Variants in TBC1D32 observed in about 807,000 individuals in gnomAD.
TBC1D32 encodes the protein protein broad-minded.
TBC1D32 carries 151 observed loss-of-function variants against 170.3 expected under a neutral mutation model. The observed-to-expected ratio is 0.89, with a 90% CI of 0.78 to 1.01. The LOEUF (loss-of-function observed/expected upper bound fraction) is 1.01. TBC1D32 is among the 50% of genes least tolerant of loss of function. The pLI is 0.00. For missense variants in TBC1D32, 1,464 were observed against 1,457.1 expected, an observed-to-expected ratio of 1.00 and a Z score of -0.08; for synonymous variants, 498 against 488.0, an observed-to-expected ratio of 1.02 and a Z score of -0.27.
chr6:121,106,228 A>G (rs1250782662), intron 29 of TBC1D32, 65 bp from the exon 30 acceptor site: 19 of 1,026,190 alleles, frequency 1.9e-5, no homozygotes, highest in Non-Finnish European at 2.4e-5. Flanking sequence ...AGATCATTTA[A>G]AATAATCCAA....
At chr6:121,197,782 T>C (rs1387186573) in intron 22 of TBC1D32, among the ~76,000 whole-genome samples, 3 of 152,194 alleles carry the variant, frequency 2.0e-5, no homozygotes, top group South Asian at 2.1e-4. Flanking sequence ...TGGTTAATAC[T>C]GCATGTCAAC....
chr6:121,135,201 C>T (rs985237624), intron 24 of TBC1D32, among the ~76,000 whole-genome samples: 1 of 151,912 alleles, frequency 6.6e-6, no homozygotes, highest in Admixed American at 6.6e-5. Flanking sequence ...GAAAGCTCCT[C>T]CATAATAGAT....
In TBC1D32 at chr6:121,283,828, A is replaced by C; in HGVS notation, c.1455T>G (p.Ala485=). ...YSPSCPKMTS[A]AHSENYSPAS... is the part of the protein sequence containing the mutation. ...TAGAAACAGAATTACCTGAATGGGCAGCTGATGTCATCTTTGGACAACTTG... is the reference window on the plus strand; with the variant it reads ...TAGAAACAGAATTACCTGAATGGGCCGCTGATGTCATCTTTGGACAACTTG... The change falls in exon 13 of 32, where the codon GCT becomes GCG. Residue 485 remains alanine (A), a synonymous_variant. Transcript: ENST00000398212. 6.2e-7 allele frequency: 1 copy of C among 1,605,698 alleles called. No homozygotes were observed. Among genetic ancestry groups the C allele is most frequent in the Non-Finnish European group, 8.5e-7 (1 of 1,173,904 alleles).
chr6:121,292,302 A>G (rs1273637028), intron 11 of TBC1D32, 109 bp from the exon 12 acceptor site: 8 of 1,125,564 alleles, frequency 7.1e-6, no homozygotes, highest in Non-Finnish European at 9.9e-6. Flanking sequence ...GAATGGAGAC[A>G]TTACTGGTCA....
At position 121,287,879 on chromosome 6, in the gene TBC1D32, G is replaced by A. The variant is rs187433401; in HGVS notation, c.1373-3969C>T. Among the ~76,000 whole-genome samples, 346 of 152,296 alleles carry A rather than the reference G, an allele frequency of 2.3e-3. 1 individual carries two copies. Among genetic ancestry groups the A allele is most frequent in the African/African-American group, 8.0e-3 (334 of 41,572 alleles). On this transcript the variant is annotated intron_variant, in intron 12 of 31. Transcript: ENST00000398212. ...AAAACCGCTCATCTATATGGAAACTGAACAACCTGCTCCTGAACGACTACT... is the reference window on the plus strand; with the variant it reads ...AAAACCGCTCATCTATATGGAAACTAAACAACCTGCTCCTGAACGACTACT...
chr6:121,175,594 A>G (rs1196127946), intron 22 of TBC1D32, among the ~76,000 whole-genome samples: 1 of 152,202 alleles, frequency 6.6e-6, no homozygotes, highest in Non-Finnish European at 1.5e-5. Flanking sequence ...GAGCCATATA[A>G]TCATCGGAAC....
chr6:121,242,376 G>A, intron 17 of TBC1D32, 37 bp from the exon 18 acceptor site: 3 of 1,597,444 alleles, frequency 1.9e-6, no homozygotes, highest in Non-Finnish European at 2.6e-6. Flanking sequence ...CTTTCTTTAA[G>A]ATACTAAAAA....
intron 13 of TBC1D32, 47 bp from the exon 14 acceptor site, chr6:121,281,733 G>C (rs1462563806): frequency 1.4e-6 from 2 of 1,438,002 alleles, no homozygotes; most frequent in South Asian, 1.4e-5. Flanking sequence ...TAAATACTTA[G>C]AACTATTTTA....
intron 19 of TBC1D32, among the ~76,000 whole-genome samples, chr6:121,240,510 T>C (rs993696093): frequency 5.9e-5 from 9 of 151,922 alleles, no homozygotes; most frequent in African/African-American, 1.9e-4. Context: ...ACTCATGTTA[T>C]AATTCAACTC....
chr6:121,243,590 CACAA>C (rs1341106777), intron 17 of TBC1D32, among the ~76,000 whole-genome samples: 1 of 151,876 alleles, frequency 6.6e-6, no homozygotes, highest in Non-Finnish European at 1.5e-5. Context: ...CACACACACA[CACAA>C]ACACACACAA....
Position 121,304,745 on chromosome 6 carries a change from A to G in TBC1D32, c.769+10T>C. Reference sequence around the variant, plus strand: ...ACAAAAAACATTTTTAAATGTTTTCACAAACATACCTAAGCTTGTATAAAT... The same window carrying G: ...ACAAAAAACATTTTTAAATGTTTTCGCAAACATACCTAAGCTTGTATAAAT... On this transcript the variant is annotated intron_variant, in intron 6 of 31. Coordinates refer to ENST00000398212, the MANE Select transcript of TBC1D32 (RefSeq NM_152730.6). 6.3e-7 allele frequency: 1 copy of G among 1,584,122 alleles called. No homozygotes were observed. The highest frequency in any genetic ancestry group is 8.6e-7 in the Non-Finnish European group (1 of 1,162,864).
intron 15 of TBC1D32, among the ~76,000 whole-genome samples, chr6:121,264,095 T>C (rs1369901713): frequency 1.3e-5 from 2 of 151,628 alleles, no homozygotes; most frequent in Admixed American, 1.3e-4. Context: ...AGAGCAGAAA[T>C]GAAGGAGAGA....
chr6:121,326,148 G>A (rs17083424), intron 1 of TBC1D32, among the ~76,000 whole-genome samples: 397 of 152,216 alleles, frequency 2.6e-3, no homozygotes, highest in African/African-American at 8.9e-3. Context: ...AATTGAGGCC[G>A]TGAGGAAATT....
At chr6:121,217,235 A>G (rs1272767068) in intron 21 of TBC1D32, among the ~76,000 whole-genome samples, 1 of 152,190 alleles carries the variant, frequency 6.6e-6, no homozygotes, top group African/African-American at 2.4e-5. Flanking sequence ...GACTTGGCAA[A>G]TGCCTTTATC....
At chr6:121,150,233 A>G (rs1319926182) in intron 24 of TBC1D32, among the ~76,000 whole-genome samples, 1 of 152,156 alleles carries the variant, frequency 6.6e-6, no homozygotes, top group East Asian at 1.9e-4. Context: ...GGGGTGTTGC[A>G]TTTTATCAGA....
chr6:121,103,408 A>G (rs1778349484), intron 30 of TBC1D32, among the ~76,000 whole-genome samples: 1 of 152,152 alleles, frequency 6.6e-6, no homozygotes, highest in East Asian at 1.9e-4. Context: ...GCAGCCATAA[A>G]AAAGGATGAG....
At chr6:121,115,045 G>T in intron 27 of TBC1D32, 127 bp downstream of exon 27, 2 of 601,072 alleles carry the variant, frequency 3.3e-6, no homozygotes, top group South Asian at 4.9e-5. Context: ...GTCATTTTCC[G>T]AATGATAAAC....
chr6:121,212,405 A>G (rs931798254), intron 21 of TBC1D32, among the ~76,000 whole-genome samples: 1 of 151,928 alleles, frequency 6.6e-6, no homozygotes, highest in African/African-American at 2.4e-5. Context: ...TTCTGATAAC[A>G]AAACCTGGCA....
chr6:121,082,322 T>A (rs1407318463), intron 31 of TBC1D32, among the ~76,000 whole-genome samples: 1 of 152,018 alleles, frequency 6.6e-6, no homozygotes, highest in Non-Finnish European at 1.5e-5. Flanking sequence ...CTTTTTTCTT[T>A]GGGGAAAAAA....
Sources: allele counts gnomAD v4.1 joint callset (sites outside exome capture counted in the v4.1 genomes callset), GRCh38; gene constraint gnomAD v4.1.1; transcripts MANE v1.5; gene names NCBI Gene and HGNC (gene_info 2026-07-23, HGNC 2026-07-21).